Variants in TAFA1 observed in about 807,000 individuals in gnomAD.
The protein encoded by TAFA1 is chemokine-like protein TAFA-1.
In TAFA1, 4 loss-of-function variants were observed where a neutral mutation model predicts 18.5. The ratio of observed to expected loss-of-function variants is 0.22; its 90% CI spans 0.11 to 0.49. The LOEUF (loss-of-function observed/expected upper bound fraction) is 0.49. Among genes scored for constraint, TAFA1 ranks in the 20% least tolerant of loss-of-function variants. TAFA1 has a pLI of 0.98. For missense variants in TAFA1, 147 were observed against 169.0 expected, an observed-to-expected ratio of 0.87 and a Z score of 0.72; for synonymous variants, 56 against 55.2, an observed-to-expected ratio of 1.01 and a Z score of -0.06.
At chr3:68,188,520 T>TAGAGAG (rs1266366001) in intron 2 of TAFA1, among the ~76,000 whole-genome samples, 2 of 146,526 alleles carry the variant, frequency 1.4e-5, no homozygotes, top group Admixed American at 6.9e-5. Flanking sequence ...TATATATATA[T>TAGAGAG]ATAGAGAGAG....
the TAFA1 span, among the ~76,000 whole-genome samples, chr3:67,992,124 T>A: frequency 3.9e-5 from 6 of 152,200 alleles, no homozygotes; most frequent in African/African-American, 1.4e-4. Context: ...CAGTGTGTGA[T>A]TTACAATGGT....
chr3:68,247,761 T>C (rs548558089), intron 2 of TAFA1: 4 of 152,350 alleles, frequency 2.6e-5, no homozygotes, highest in African/African-American at 9.6e-5. Context: ...TGTTGCAGAA[T>C]GTGAAGGAGC....
intron 3 of TAFA1, among the ~76,000 whole-genome samples, chr3:68,457,320 T>C (rs570253836): frequency 3.8e-4 from 58 of 152,314 alleles, no homozygotes; most frequent in African/African-American, 1.4e-3. Context: ...ATAATAGATT[T>C]ATGCATATAT....
At chr3:68,026,309 C>T (rs1704815733) in intron 2 of TAFA1, among the ~76,000 whole-genome samples, 1 of 151,842 alleles carries the variant, frequency 6.6e-6, no homozygotes, top group Non-Finnish European at 1.5e-5. Flanking sequence ...TCTTTTGCTG[C>T]TAAGGCTGAT....
At chr3:68,292,244 G>A (rs529655784) in intron 2 of TAFA1, among the ~76,000 whole-genome samples, 34 of 151,796 alleles carry the variant, frequency 2.2e-4, no homozygotes, top group Non-Finnish European at 2.4e-4. Context: ...GAAGGACAAG[G>A]CATCTGTCCT....
chr3:68,284,204 G>C (rs143080041), intron 2 of TAFA1, among the ~76,000 whole-genome samples: 3 of 152,250 alleles, frequency 2.0e-5, no homozygotes, highest in Non-Finnish European at 2.9e-5. Context: ...ACTTTAAATA[G>C]TAGGCCCCTA....
chr3:68,489,491 A>G (rs565462709), intron 3 of TAFA1, among the ~76,000 whole-genome samples: 10 of 152,346 alleles, frequency 6.6e-5, no homozygotes, highest in South Asian at 4.1e-4. Context: ...TTGATTTTCA[A>G]TGTTCACTCT....
At chr3:68,360,836 A>G (rs1316874905) in intron 2 of TAFA1, among the ~76,000 whole-genome samples, 1 of 151,922 alleles carries the variant, frequency 6.6e-6, no homozygotes, top group Non-Finnish European at 1.5e-5. Context: ...AAAGTTTGGT[A>G]CTCTAATGAA....
chr3:68,143,011 T>C (rs552298368), intron 2 of TAFA1, among the ~76,000 whole-genome samples: 2 of 152,132 alleles, frequency 1.3e-5, no homozygotes, highest in Non-Finnish European at 2.9e-5. Flanking sequence ...TCTGGAAGAC[T>C]CTTTAAGATG....
At chr3:68,048,206 A>G (rs993973325) in intron 2 of TAFA1, among the ~76,000 whole-genome samples, 6 of 152,096 alleles carry the variant, frequency 3.9e-5, no homozygotes, top group African/African-American at 1.4e-4. Flanking sequence ...AATATCTATG[A>G]TTATAAGAAT....
At chr3:68,006,335 A>G (rs1363094478) in intron 1 of TAFA1, 19 of 330,656 alleles carry the variant, frequency 5.7e-5, no homozygotes, top group East Asian at 4.4e-4. Flanking sequence ...TTTAGTCAGC[A>G]TGCATTGTTT....
At chr3:68,479,241 A>AATATAT (rs397989986) in intron 3 of TAFA1, among the ~76,000 whole-genome samples, 131 of 123,648 alleles carry the variant, frequency 1.1e-3, no homozygotes, top group Middle Eastern at 4.0e-3. Flanking sequence ...AAAAAAAAAA[A>AATATAT]ATATATATAT....
intron 3 of TAFA1, among the ~76,000 whole-genome samples, chr3:68,440,647 C>T (rs932315026): frequency 6.6e-6 from 1 of 152,126 alleles, no homozygotes; most frequent in Non-Finnish European, 1.5e-5. Flanking sequence ...GTGACCCAAA[C>T]CTTCATTCCT....
chr3:68,342,237 C>T (rs1559625385), intron 2 of TAFA1, among the ~76,000 whole-genome samples: 1 of 152,166 alleles, frequency 6.6e-6, no homozygotes, highest in Non-Finnish European at 1.5e-5. Flanking sequence ...AGATCCAAAC[C>T]AGTTTGGAAG....
rs1290068765 is a variant in TAFA1 at position 68,417,423 on chromosome 3, A to G, written c.259+3A>G. The G allele has an allele frequency of 3.7e-6, 6 of 1,613,276 alleles. No homozygotes were observed. Among genetic ancestry groups the G allele is most frequent in the African/African-American group, 2.7e-5 (2 of 74,850 alleles). On this transcript the variant is annotated splice_donor_region_variant and intron_variant, in intron 3 of 4. Coordinates refer to ENST00000478136, the MANE Select transcript of TAFA1 (RefSeq NM_213609.4). ...AAACCGGCCTTCTTGCGTCGATGGT[A>G]GGTACCTGGTTTTACCTCTTGAAAA...
At chr3:68,450,845 C>G (rs766579176) in intron 3 of TAFA1, among the ~76,000 whole-genome samples, 2 of 152,110 alleles carry the variant, frequency 1.3e-5, no homozygotes, top group African/African-American at 4.8e-5. Context: ...TAATTATGAT[C>G]TGATGTTGTG....
intron 3 of TAFA1, among the ~76,000 whole-genome samples, chr3:68,527,785 T>A (rs1189605916): frequency 6.6e-6 from 1 of 152,134 alleles, no homozygotes; most frequent in African/African-American, 2.4e-5. Flanking sequence ...GAATAAAAAA[T>A]AACTTTTGTC....
At chr3:68,026,900 A>C (rs1265895941) in intron 2 of TAFA1, among the ~76,000 whole-genome samples, 2 of 152,144 alleles carry the variant, frequency 1.3e-5, no homozygotes, top group Non-Finnish European at 2.9e-5. Flanking sequence ...TCTGCAGGCT[A>C]TATAGGAAGC....
At chr3:68,024,299 GA>G (rs952744289) in intron 2 of TAFA1, among the ~76,000 whole-genome samples, 14 of 152,130 alleles carry the variant, frequency 9.2e-5, no homozygotes, top group African/African-American at 2.4e-4. Context: ...GGCTTTGGAA[GA>G]AAAAAATTAA....
Sources: allele counts gnomAD v4.1 joint callset (sites outside exome capture counted in the v4.1 genomes callset), GRCh38; gene constraint gnomAD v4.1.1; transcripts MANE v1.5; gene names NCBI Gene and HGNC (gene_info 2026-07-23, HGNC 2026-07-21).